The following PARG variants were observed in gnomAD, a reference collection of about 807,000 sequenced individuals.
PARG encodes mitochondrial poly(ADP-ribose) glycohydrolase.
In PARG, 35 loss-of-function variants were observed where a neutral mutation model predicts 113.0. That is an observed-to-expected ratio of 0.31 (90% CI 0.24 to 0.41). The LOEUF (loss-of-function observed/expected upper bound fraction) is 0.41. PARG is among the 10% of genes least tolerant of loss of function. The pLI is 1.00. For missense variants in PARG, 797 were observed against 1,169.4 expected, an observed-to-expected ratio of 0.68 and a Z score of 4.64; for synonymous variants, 330 against 409.9, an observed-to-expected ratio of 0.81 and a Z score of 2.36.
Position 49,819,505 on chromosome 10 carries a change from A to G in PARG, c.2777-11T>C. The G allele has an allele frequency of 6.5e-7, 1 of 1,548,718 alleles. No homozygotes were observed. The highest frequency in any genetic ancestry group is 2.4e-5 in the East Asian group (1 of 40,914). ...GCTTATACACATCTCCTGGAGAGCA[A>G]AAGGTCAGACCAGAGGCACATTAAA... On this transcript the variant is annotated splice_polypyrimidine_tract_variant and intron_variant, in intron 17 of 17. Coordinates refer to ENST00000616448, the MANE Select transcript of PARG (RefSeq NM_003631.5).
At chr10:49,843,791 T>TA (rs1473144284) in intron 13 of PARG, among the ~76,000 whole-genome samples, 159 bp from the exon 14 acceptor site, 29 of 152,128 alleles carry the variant, frequency 1.9e-4, no homozygotes, top group Admixed American at 3.9e-4. Flanking sequence ...ATAAAGAATG[T>TA]AAAAAAATAA....
At chr10:49,938,693 TC>T (rs1838868863) in intron 1 of PARG, among the ~76,000 whole-genome samples, 1 of 151,972 alleles carries the variant, frequency 6.6e-6, no homozygotes. Context: ...TGCCTTAGCC[TC>T]CCAAGTAGCT....
intron 7 of PARG, 148 bp downstream of exon 7, chr10:49,915,769 A>G (rs1287305778): frequency 3.4e-6 from 2 of 582,866 alleles, no homozygotes; most frequent in East Asian, 3.0e-5. Flanking sequence ...TCCTAATTGT[A>G]TTTACCTAAA....
chr10:49,938,815 G>A (rs1296267553), intron 1 of PARG, among the ~76,000 whole-genome samples: 4 of 151,920 alleles, frequency 2.6e-5, no homozygotes, highest in Admixed American at 2.0e-4. Context: ...TATCCATTTC[G>A]CTACCCCGCC....
chr10:49,822,232 G>A (rs1273557801), intron 16 of PARG, among the ~76,000 whole-genome samples: 1 of 152,108 alleles, frequency 6.6e-6, no homozygotes, highest in African/African-American at 2.4e-5. Context: ...ATCTGTGTGT[G>A]TGTGTGTGTG....
intron 7 of PARG, among the ~76,000 whole-genome samples, chr10:49,889,542 G>A (rs1181034934): frequency 6.6e-6 from 1 of 152,190 alleles, no homozygotes; most frequent in Non-Finnish European, 1.5e-5. Context: ...GGGTCCCATA[G>A]TCCCTGCTGG....
intron 17 of PARG, 84 bp downstream of exon 17, chr10:49,820,081 G>T: frequency 1.1e-6 from 1 of 934,768 alleles, no homozygotes; most frequent in South Asian, 1.6e-5. Flanking sequence ...TACCCACTGT[G>T]ATTCATCCAG....
At position 49,922,534 on chromosome 10, in the gene PARG, G is replaced by C; in HGVS notation, c.1578+13C>G. On this transcript the variant is annotated intron_variant, in intron 5 of 17. Transcript: ENST00000616448. The stretch of plus-strand genomic sequence containing the variant: ...TTTTTCAGAGACTAAAAGAATCTCG[G>C]TTTTGTTCTTACCTCATCTTCCACT... 6.2e-7 allele frequency: 1 copy of C among 1,610,858 alleles called. No individual in the cohort carries two copies. The highest frequency in any genetic ancestry group is 1.1e-5 in the South Asian group (1 of 90,686).
intron 12 of PARG, among the ~76,000 whole-genome samples, chr10:49,859,232 G>A (rs1846139808): frequency 7.0e-6 from 1 of 142,750 alleles, no homozygotes; most frequent in Non-Finnish European, 1.6e-5. Context: ...TAGAGTAGGT[G>A]GAGGCTTACA....
chr10:49,927,138 C>A (rs1838210938), intron 4 of PARG, among the ~76,000 whole-genome samples: 1 of 151,958 alleles, frequency 6.6e-6, no homozygotes, highest in Admixed American at 6.6e-5. Flanking sequence ...GAAACCTCAT[C>A]TCTACTAAAA....
chr10:49,893,755 G>A (rs1279557639), intron 7 of PARG, among the ~76,000 whole-genome samples: 3 of 151,010 alleles, frequency 2.0e-5, no homozygotes, highest in Admixed American at 6.6e-5. Flanking sequence ...GTGCAGTGGC[G>A]CGATCTTGGC....
chr10:49,880,555 G>A (rs1358264170), intron 8 of PARG, among the ~76,000 whole-genome samples: 1 of 152,124 alleles, frequency 6.6e-6, no homozygotes, highest in Non-Finnish European at 1.5e-5. Context: ...CACACGACCT[G>A]AGTATTGTGT....
At position 49,829,356 on chromosome 10, in the gene PARG, C is replaced by T. The variant is rs1206252436; in HGVS notation, c.2647+3447G>A. ...CAAACATTCCTCCCACCTCAGCCTC[C>T]CAAGTAGCTGGGACTATAGGCGCAT... On this transcript the variant is annotated intron_variant, in intron 16 of 17. Transcript: ENST00000616448. Among the ~76,000 whole-genome samples, 3 of 152,116 alleles carry T rather than the reference C, an allele frequency of 2.0e-5. No homozygotes were observed. The East Asian group carries it at 5.8e-4, about 29-fold the overall frequency.
chr10:49,940,506 T>TTTTTG (rs1294850084), intron 1 of PARG, among the ~76,000 whole-genome samples: 1,555 of 147,386 alleles, frequency 0.011, 24 homozygotes, highest in African/African-American at 0.036. Flanking sequence ...TGCACTCCTG[T>TTTTTG]TTTTGTTTTG....
intron 10 of PARG, among the ~76,000 whole-genome samples, chr10:49,868,199 C>T (rs1291923455): frequency 4.6e-5 from 7 of 152,132 alleles, no homozygotes; most frequent in Non-Finnish European, 7.3e-5. Flanking sequence ...ATCTTGGCCA[C>T]GCTGGTCTGG....
intron 7 of PARG, among the ~76,000 whole-genome samples, chr10:49,903,350 C>T (rs1554844106): frequency 6.6e-6 from 1 of 152,114 alleles, no homozygotes; most frequent in African/African-American, 2.4e-5. Flanking sequence ...CTCTACCAAT[C>T]ACCAGTTGCA....
intron 1 of PARG, among the ~76,000 whole-genome samples, chr10:49,940,354 C>A (rs1355860547): frequency 2.8e-5 from 4 of 145,066 alleles, no homozygotes; most frequent in Admixed American, 1.4e-4. Context: ...CACTCCCCTA[C>A]TAAAAACCCT....
intron 16 of PARG, among the ~76,000 whole-genome samples, chr10:49,827,702 T>A (rs1844425242): frequency 6.6e-6 from 1 of 152,124 alleles, no homozygotes; most frequent in Non-Finnish European, 1.5e-5. Flanking sequence ...AAAGTAGCAC[T>A]CAATTCCTTC....
intron 7 of PARG, among the ~76,000 whole-genome samples, chr10:49,894,564 G>A (rs1847983610): frequency 6.6e-6 from 1 of 152,114 alleles, no homozygotes; most frequent in African/African-American, 2.4e-5. Context: ...TATGTGGGAA[G>A]GGGCAATTTT....
Sources: gnomAD v4.1 joint callset for allele counts (sites outside exome capture counted in the v4.1 genomes callset) on GRCh38, gnomAD v4.1.1 for gene constraint, MANE v1.5 for transcripts, NCBI Gene and HGNC (gene_info 2026-07-23, HGNC 2026-07-21) for gene names.